SOS1: variants seen among roughly 807,000 people sequenced by gnomAD.
The protein encoded by SOS1 is son of sevenless homolog 1.
Under a neutral mutation model 157.6 loss-of-function variants are expected in SOS1, and 25 were observed. The observed-to-expected ratio is 0.16, with a 90% confidence interval of 0.12 to 0.22. The LOEUF is 0.22. Ranked by LOEUF, SOS1 falls within the 10% of genes least tolerant of loss-of-function variation. The pLI, the probability that SOS1 is intolerant of heterozygous loss-of-function variation, is 1.00. For missense variants in SOS1, 1,237 were observed against 1,599.1 expected (o/e 0.77, Z 3.86); for synonymous variants, 528 against 534.0 (o/e 0.99, Z 0.16).
At chr2:39,006,270 T>G in intron 17 of SOS1, 142 bp downstream of exon 17, 1 of 666,296 alleles carries the variant, frequency 1.5e-6, no homozygotes, top group East Asian at 2.6e-5. Context: ...TGAGAAAAAT[T>G]CTAAAGGGCT....
chr2:39,029,927 G>A (rs1006500079), intron 8 of SOS1, among the ~76,000 whole-genome samples: 3 of 152,074 alleles, frequency 2.0e-5, no homozygotes, highest in African/African-American at 7.2e-5. Flanking sequence ...TGTACTTTGG[G>A]AGGTCTAGGT....
Position 38,985,560 on chromosome 2 carries a change from G to A in SOS1, c.*264C>T. 4.6e-6 allele frequency: 2 copies of A among 437,066 alleles called. No homozygotes were observed. The highest frequency in any genetic ancestry group is 3.5e-5 in the Admixed American group (1 of 28,880). 27.1% of individuals were successfully genotyped at this position (437,066 alleles called of 1,614,324 possible). On this transcript the variant is annotated 3_prime_UTR_variant, in exon 23 of 23. Transcript: ENST00000402219. ...ACAAAAAGAGGACTCCTGCCTATTG[G>A]CCAGAAAAAGTCCCTTTATGATTTT...
At chr2:39,047,266 TTTA>T (rs1670824361) in intron 6 of SOS1, among the ~76,000 whole-genome samples, 1 of 152,244 alleles carries the variant, frequency 6.6e-6, no homozygotes, top group African/African-American at 2.4e-5. Flanking sequence ...CAGATAGCAT[TTTA>T]TTGTGTGAAT....
chr2:39,057,903 TA>T (rs11320163), intron 3 of SOS1, among the ~76,000 whole-genome samples: 140,422 of 152,022 alleles, frequency 0.92, 64,972 homozygotes, highest in African/African-American at 0.97. Flanking sequence ...CACTATCACT[TA>T]AGAGTCTTGT....
rs1407981069 is a variant in SOS1, at chr2:38,985,605, A to G, written c.*219T>C. ...GATTTTCAGGTGCAATCAGTTGTCCAATTCCTCTAGGTCGGTCTTTCCATA... is the reference window on the plus strand; with the variant it reads ...GATTTTCAGGTGCAATCAGTTGTCCGATTCCTCTAGGTCGGTCTTTCCATA... On this transcript the variant is annotated 3_prime_UTR_variant, in exon 23 of 23. Transcript: ENST00000402219. The G allele has an allele frequency of 3.6e-6, 2 of 548,696 alleles. No homozygotes were observed. Among genetic ancestry groups the G allele is most frequent in the Non-Finnish European group, 6.4e-6 (2 of 310,682 alleles). 34.0% of individuals were successfully genotyped at this position (548,696 alleles called of 1,614,324 possible). A position where few individuals can be genotyped will look rare whatever the true frequency, so the allele number is the denominator to read the frequency against.
At chr2:39,004,015 A>AG (rs372485195) in intron 17 of SOS1, among the ~76,000 whole-genome samples, 139 of 152,236 alleles carry the variant, frequency 9.1e-4, no homozygotes, top group African/African-American at 3.2e-3. Flanking sequence ...AATGCTCCCT[A>AG]GGGGGGCAAA....
At chr2:39,091,766 C>T (rs1672607395) in intron 1 of SOS1, among the ~76,000 whole-genome samples, 1 of 152,054 alleles carries the variant, frequency 6.6e-6, no homozygotes. Flanking sequence ...TATAATACGG[C>T]CAGGACTAAA....
intron 1 of SOS1, among the ~76,000 whole-genome samples, chr2:39,119,105 G>C (rs1045386687): frequency 6.6e-6 from 1 of 152,186 alleles, no homozygotes; most frequent in African/African-American, 2.4e-5. Flanking sequence ...TACAAGCTAA[G>C]AAGTCAAACT....
Position 39,120,503 on chromosome 2 carries a change from G to A in SOS1, c.-81C>T. 2.4e-6 allele frequency: 3 copies of A among 1,236,074 alleles called. No individual in the cohort carries two copies. The highest frequency in any genetic ancestry group is 3.0e-6 in the Non-Finnish European group (3 of 987,784). 76.6% of individuals were successfully genotyped at this position (1,236,074 alleles called of 1,614,324 possible). On this transcript the variant is annotated 5_prime_UTR_variant, in exon 1 of 23. Transcript: ENST00000402219. ...AGCCGCGAGAGGGCGAGCTCGCAGCGCGGAACAGGGCCGCGGCCCCACCGG... is the reference window on the plus strand; with the variant it reads ...AGCCGCGAGAGGGCGAGCTCGCAGCACGGAACAGGGCCGCGGCCCCACCGG...
At chr2:38,995,701 T>C (rs960625403) in intron 19 of SOS1, among the ~76,000 whole-genome samples, 3 of 152,202 alleles carry the variant, frequency 2.0e-5, no homozygotes, top group African/African-American at 7.2e-5. Context: ...TCCCTGGTTT[T>C]TAAAACAGAC....
intron 10 of SOS1, among the ~76,000 whole-genome samples, chr2:39,015,098 A>G (rs897554372): frequency 6.6e-6 from 1 of 152,094 alleles, no homozygotes; most frequent in East Asian, 1.9e-4. Flanking sequence ...CTCATCGGCC[A>G]CAGGAATGAG....
chr2:38,993,057 G>A (rs1476665740), intron 20 of SOS1: 2 of 149,154 alleles, frequency 1.3e-5, no homozygotes, highest in African/African-American at 2.5e-5. Flanking sequence ...GCAACACAGC[G>A]AGACCCTATC....
At chr2:39,016,193 AATAACTG>A (rs1356653784) in intron 10 of SOS1, among the ~76,000 whole-genome samples, 1 of 152,104 alleles carries the variant, frequency 6.6e-6, no homozygotes, top group African/African-American at 2.4e-5. Context: ...TCATCGAGAT[AATAACTG>A]ATTTAAATAT....
intron 1 of SOS1, among the ~76,000 whole-genome samples, chr2:39,071,190 G>A (rs1671780749): frequency 6.6e-6 from 1 of 152,092 alleles, no homozygotes; most frequent in Non-Finnish European, 1.5e-5. Flanking sequence ...TAGATGATGA[G>A]AAAGAAAAAT....
rs371286473 is a variant in SOS1 at position 39,022,807 on chromosome 2, A to G, written c.1621T>C (p.Leu541=). ...AEEKNNWMAA[L]ISLQYRSTLE... ...GTACTCCGGTACTGTAAAGATATCA[A>G]TGCTGCCATCCAATTGTTTTTCTCT... is the stretch of plus-strand genomic sequence containing the variant. Residue 541 remains leucine (L), a synonymous_variant, in exon 10 of 23, where the codon TTG becomes CTG. Coordinates refer to ENST00000402219, the MANE Select transcript of SOS1 (RefSeq NM_005633.4). 85 of 1,613,582 alleles carry G rather than the reference A, an allele frequency of 5.3e-5. No homozygotes were observed. The highest frequency in any genetic ancestry group is 6.7e-5 in the Admixed American group (4 of 59,974).
intron 14 of SOS1, 73 bp downstream of exon 14, chr2:39,012,053 C>A (rs1572821136): frequency 1.8e-6 from 2 of 1,103,484 alleles, no homozygotes; most frequent in East Asian, 4.8e-5. Flanking sequence ...CCCTATAAGG[C>A]AGAAATCAGT....
At chr2:39,082,419 CT>C (rs1042908937) in intron 1 of SOS1, among the ~76,000 whole-genome samples, 6 of 152,070 alleles carry the variant, frequency 3.9e-5, no homozygotes, top group African/African-American at 1.4e-4. Context: ...GCATCTTTTC[CT>C]TTTCCTCTAC....
rs1668543958 is a variant in SOS1 at position 38,985,977 on chromosome 2, G to C, written c.3849C>G (p.Asp1283Glu). 1 of 1,613,834 alleles carries C rather than the reference G, an allele frequency of 6.2e-7. No homozygotes were observed. The highest frequency in any genetic ancestry group is 1.7e-5 in the Admixed American group (1 of 59,970). Residue 1283 changes from aspartate to glutamate, a missense_variant, in exon 23 of 23, where the codon GAC (aspartate) becomes GAG (glutamate). This residue lies in a region of SOS1 where 306 missense variants were observed against 322.6 expected (regional missense o/e 0.95). Coordinates refer to ENST00000402219, the MANE Select transcript of SOS1 (RefSeq NM_005633.4). ...LPSPPLTQEV[D>E]LHSIAGPPVP... ...CAGGCGGCCCAGCAATGGAATGAAG[G>C]TCCACTTCTTGTGTCAATGGTGGTG...
chr2:39,095,701 G>C (rs1672745594), intron 1 of SOS1, among the ~76,000 whole-genome samples: 1 of 152,202 alleles, frequency 6.6e-6, no homozygotes, highest in Non-Finnish European at 1.5e-5. Context: ...AATTATTTCA[G>C]TTCCACATAT....
Sources: allele counts gnomAD v4.1 joint callset (sites outside exome capture counted in the v4.1 genomes callset), GRCh38; gene constraint gnomAD v4.1.1; regional missense constraint gnomAD v4.1.1; transcripts MANE v1.5; gene names NCBI Gene and HGNC (gene_info 2026-07-23, HGNC 2026-07-21).